Variants in IMMP2L observed in about 807,000 individuals in gnomAD.
The protein encoded by IMMP2L is inner mitochondrial membrane peptidase subunit 2.
IMMP2L carries 18 observed loss-of-function variants against 19.3 expected under a neutral mutation model. The observed-to-expected ratio is 0.93, with a 90% CI of 0.64 to 1.38. IMMP2L has a LOEUF of 1.38. Ranked by LOEUF, IMMP2L falls within the 40% of genes most tolerant of loss-of-function variation. The pLI is 0.00. For missense variants in IMMP2L, 233 were observed against 218.2 expected, an observed-to-expected ratio of 1.07 and a Z score of -0.43; for synonymous variants, 76 against 73.0, an observed-to-expected ratio of 1.04 and a Z score of -0.21.
chr7:111,380,549 C>A (rs1249620042), intron 3 of IMMP2L, among the ~76,000 whole-genome samples: 1 of 151,958 alleles, frequency 6.6e-6, no homozygotes, highest in Non-Finnish European at 1.5e-5. Flanking sequence ...GAAAAAGCAG[C>A]AGATATGTAA....
Position 110,662,738 on chromosome 7 carries a change from T to A in IMMP2L, c.*864A>T, listed in dbSNP as rs549746633. Among the ~76,000 whole-genome samples the A allele has an allele frequency of 1.3e-5, 2 of 152,320 alleles. No homozygotes were observed. Among genetic ancestry groups the A allele is most frequent in the African/African-American group, 4.8e-5 (2 of 41,570 alleles). Reference sequence around the variant, plus strand: ...ATTGGTGATTTCAGTATTACAGACGTGAATACTGAGAAATAATTAGGGGAA... The same window carrying A: ...ATTGGTGATTTCAGTATTACAGACGAGAATACTGAGAAATAATTAGGGGAA... On this transcript the variant is annotated 3_prime_UTR_variant, in exon 6 of 6. Transcript: ENST00000405709.
At chr7:110,801,687 G>A (rs1339068554) in intron 5 of IMMP2L, among the ~76,000 whole-genome samples, 1 of 152,074 alleles carries the variant, frequency 6.6e-6, no homozygotes. Context: ...GTAGGTCATG[G>A]TTAGTCATTC....
At chr7:111,404,398 A>G (rs1833736835) in intron 3 of IMMP2L, among the ~76,000 whole-genome samples, 2 of 152,158 alleles carry the variant, frequency 1.3e-5, no homozygotes, top group Admixed American at 1.3e-4. Context: ...AACAGAATAT[A>G]CATGCATTCA....
chr7:111,371,909 T>C (rs1015116155), intron 3 of IMMP2L, among the ~76,000 whole-genome samples: 8 of 152,088 alleles, frequency 5.3e-5, no homozygotes, highest in African/African-American at 1.9e-4. Flanking sequence ...AAACACGCAC[T>C]TCAAAGTAGT....
chr7:111,010,372 T>C (rs1293568029), intron 3 of IMMP2L, among the ~76,000 whole-genome samples: 1 of 152,144 alleles, frequency 6.6e-6, no homozygotes, highest in Non-Finnish European at 1.5e-5. Context: ...TGGAGATAGA[T>C]CTTAACATCA....
chr7:110,971,353 T>G (rs1244788468), intron 3 of IMMP2L, among the ~76,000 whole-genome samples: 1 of 152,228 alleles, frequency 6.6e-6, no homozygotes, highest in Middle Eastern at 3.4e-3. Flanking sequence ...GGTTACCATA[T>G]GATATTTTTT....
At chr7:111,488,670 G>A (rs1407348864) in intron 2 of IMMP2L, among the ~76,000 whole-genome samples, 1 of 152,032 alleles carries the variant, frequency 6.6e-6, no homozygotes, top group African/African-American at 2.4e-5. Flanking sequence ...CATATAATGA[G>A]TTATTTTTTC....
intron 3 of IMMP2L, among the ~76,000 whole-genome samples, chr7:111,319,392 T>C (rs1045690952): frequency 6.6e-6 from 1 of 152,074 alleles, no homozygotes; most frequent in Non-Finnish European, 1.5e-5. Flanking sequence ...GTTCCAAATA[T>C]AATATAATGT....
At chr7:110,914,195 G>T (rs1482492569) in intron 4 of IMMP2L, among the ~76,000 whole-genome samples, 2 of 152,092 alleles carry the variant, frequency 1.3e-5, no homozygotes, top group Non-Finnish European at 2.9e-5. Flanking sequence ...TTCATCTTCT[G>T]TTATAATTCT....
chr7:111,241,794 G>A (rs1815085339), intron 3 of IMMP2L, among the ~76,000 whole-genome samples: 1 of 151,410 alleles, frequency 6.6e-6, no homozygotes, highest in African/African-American at 2.4e-5. Flanking sequence ...TCTGTCTCTG[G>A]ATGATTTATA....
intron 2 of IMMP2L, among the ~76,000 whole-genome samples, chr7:111,520,414 C>T (rs138548061): frequency 6.6e-6 from 1 of 152,022 alleles, no homozygotes; most frequent in Non-Finnish European, 1.5e-5. Flanking sequence ...TATCTGACTA[C>T]CAGAACTCAG....
intron 5 of IMMP2L, among the ~76,000 whole-genome samples, chr7:110,871,582 C>T (rs997920770): frequency 1.3e-5 from 2 of 151,992 alleles, no homozygotes; most frequent in African/African-American, 2.4e-5. Context: ...GCAACATGAA[C>T]GTGATGCTGA....
intron 3 of IMMP2L, chr7:111,411,398 G>T (rs539532193): frequency 1.4e-5 from 7 of 483,268 alleles, no homozygotes; most frequent in Non-Finnish European, 2.9e-5. Flanking sequence ...AGGGGTCCCC[G>T]TGAAAGTGAC....
chr7:110,741,648 T>C (rs1201243353), intron 5 of IMMP2L, among the ~76,000 whole-genome samples: 1 of 152,194 alleles, frequency 6.6e-6, no homozygotes, highest in Admixed American at 6.5e-5. Context: ...ATGAATTACC[T>C]AGTATAAGGT....
chr7:111,281,944 T>C (rs535196645), intron 3 of IMMP2L, among the ~76,000 whole-genome samples: 1 of 152,326 alleles, frequency 6.6e-6, no homozygotes, highest in Non-Finnish European at 1.5e-5. Context: ...TGTAGCATAA[T>C]TGTTGCTAAG....
At chr7:110,880,090 T>A (rs527553824) in intron 5 of IMMP2L, among the ~76,000 whole-genome samples, 9 of 152,140 alleles carry the variant, frequency 5.9e-5, no homozygotes, top group Admixed American at 1.3e-4. Flanking sequence ...ATTATGGCTC[T>A]GATTCTGATG....
chr7:111,257,941 C>A (rs1049426341), intron 3 of IMMP2L, among the ~76,000 whole-genome samples: 4 of 151,804 alleles, frequency 2.6e-5, no homozygotes, highest in Admixed American at 2.6e-4. Flanking sequence ...AGCCCCCCAG[C>A]CCCCAACAGG....
chr7:111,397,220 G>T (rs1832966777), intron 3 of IMMP2L, among the ~76,000 whole-genome samples: 1 of 151,908 alleles, frequency 6.6e-6, no homozygotes, highest in Admixed American at 6.6e-5. Flanking sequence ...TCAAATACTG[G>T]AATTATAGTA....
intron 3 of IMMP2L, among the ~76,000 whole-genome samples, chr7:111,290,916 TAG>T (rs1447214667): frequency 6.6e-6 from 1 of 151,382 alleles, no homozygotes; most frequent in Admixed American, 6.6e-5. Flanking sequence ...TCCAAAACAG[TAG>T]AGATTTTTGT....
Sources: allele counts gnomAD v4.1 joint callset (sites outside exome capture counted in the v4.1 genomes callset), GRCh38; gene constraint gnomAD v4.1.1; transcripts MANE v1.5; gene names NCBI Gene and HGNC (gene_info 2026-07-23, HGNC 2026-07-21).